The following MGAT5 variants were observed in gnomAD, a reference collection of about 807,000 sequenced individuals.
MGAT5 encodes the protein alpha-1,6-mannosylglycoprotein 6-beta-N-acetylglucosaminyltransferase, also known as alpha-1,6-mannosylglycoprotein 6-beta-N-acetylglucosaminyltransferase A.
Under a neutral mutation model 94.3 loss-of-function variants are expected in MGAT5, and 30 were observed. That is an observed-to-expected ratio of 0.32 (90% CI 0.24 to 0.43). The LOEUF (loss-of-function observed/expected upper bound fraction) is 0.43, where lower values mean the gene tolerates loss of function less well. Among genes scored for constraint, MGAT5 ranks in the 20% least tolerant of loss-of-function variants. The probability of loss-of-function intolerance (pLI) is 1.00; values close to 1 mark genes in which losing one functional copy is unlikely to be tolerated. For missense variants in MGAT5, 691 were observed against 905.5 expected, an observed-to-expected ratio of 0.76 and a Z score of 3.04; for synonymous variants, 310 against 322.9, an observed-to-expected ratio of 0.96 and a Z score of 0.43.
chr2:134,315,964 GT>G (rs1281332523), intron 2 of MGAT5, among the ~76,000 whole-genome samples: 1 of 152,098 alleles, frequency 6.6e-6, no homozygotes, highest in East Asian at 1.9e-4. Flanking sequence ...ACTAACTTCT[GT>G]CTCAGTCCCA....
At chr2:134,301,651 G>A (rs1419347728) in intron 2 of MGAT5, among the ~76,000 whole-genome samples, 2 of 152,196 alleles carry the variant, frequency 1.3e-5, no homozygotes, top group African/African-American at 2.4e-5. Flanking sequence ...CACAGCTCTG[G>A]AAGCTGGTTT....
intron 1 of MGAT5, among the ~76,000 whole-genome samples, chr2:134,150,012 T>C (rs1261857393): frequency 6.6e-6 from 1 of 152,176 alleles, no homozygotes; most frequent in African/African-American, 2.4e-5. Flanking sequence ...GGGTGCCTGA[T>C]TGGCTGAACC....
At chr2:134,281,594 C>T (rs1684698905) in intron 2 of MGAT5, among the ~76,000 whole-genome samples, 1 of 152,158 alleles carries the variant, frequency 6.6e-6, no homozygotes, top group South Asian at 2.1e-4. Context: ...TGTACAGGAA[C>T]TGGCACAGAA....
At chr2:134,344,018 GT>G (rs1221253948) in intron 7 of MGAT5, among the ~76,000 whole-genome samples, 1 of 152,174 alleles carries the variant, frequency 6.6e-6, no homozygotes, top group African/African-American at 2.4e-5. Flanking sequence ...TGATGTGGTG[GT>G]AGTACAGAGC....
intron 1 of MGAT5, among the ~76,000 whole-genome samples, chr2:134,131,683 C>T (rs1366585707): frequency 1.4e-5 from 2 of 147,438 alleles, no homozygotes; most frequent in Non-Finnish European, 3.0e-5. Context: ...TGCAGGTTCT[C>T]TTCCTCCTTC....
At chr2:134,293,714 C>T (rs1171503492) in intron 2 of MGAT5, among the ~76,000 whole-genome samples, 1 of 152,180 alleles carries the variant, frequency 6.6e-6, no homozygotes. Context: ...AAGCGATCTA[C>T]CTGTCTCGGC....
chr2:134,179,155 A>T (rs1028268933), intron 1 of MGAT5, among the ~76,000 whole-genome samples: 1 of 152,106 alleles, frequency 6.6e-6, no homozygotes, highest in African/African-American at 2.4e-5. Flanking sequence ...CCTGGTTAGT[A>T]CCGTGTTTAT....
chr2:134,308,680 G>A (rs553979398), intron 2 of MGAT5, among the ~76,000 whole-genome samples: 4 of 152,258 alleles, frequency 2.6e-5, no homozygotes, highest in African/African-American at 7.2e-5. Flanking sequence ...TCTGGTTTTT[G>A]TAACAGCTTT....
chr2:134,363,406 G>C (rs751819276), intron 10 of MGAT5, among the ~76,000 whole-genome samples: 3 of 152,234 alleles, frequency 2.0e-5, no homozygotes, highest in Non-Finnish European at 4.4e-5. Context: ...AAGGGATGAT[G>C]AGATCAGCCC....
In MGAT5 at chr2:134,172,632, C is replaced by T. The variant is rs367587739; in HGVS notation, c.-143+52341C>T. On this transcript the variant is annotated intron_variant, in intron 1 of 16. Coordinates refer to the MGAT5 transcript ENST00000409645. ...CGATCTCCTGACCTCGTGATTCTCC[C>T]GCCTCGACCTCCCAAAGTGCTGGGA... is the stretch of plus-strand genomic sequence containing the variant. 5.9e-4 allele frequency among the ~76,000 whole-genome samples: 90 copies of T among 152,276 alleles called. 3 individuals carry two copies. In the South Asian group the frequency reaches 0.017, roughly 29 times the overall value.
intron 1 of MGAT5, among the ~76,000 whole-genome samples, chr2:134,188,010 C>A (rs925525537): frequency 2.0e-5 from 3 of 152,206 alleles, no homozygotes; most frequent in Non-Finnish European, 4.4e-5. Flanking sequence ...TCATTTATTG[C>A]AGTGAAATTT....
chr2:134,319,742 C>T, intron 4 of MGAT5: 1 of 425,822 alleles, frequency 2.3e-6, no homozygotes, highest in Non-Finnish European at 4.7e-6. Context: ...GAAGCTCCTG[C>T]TCTCTGTGTA....
intron 1 of MGAT5, among the ~76,000 whole-genome samples, chr2:134,228,145 G>T (rs1314397671): frequency 6.6e-6 from 1 of 152,184 alleles, no homozygotes; most frequent in Non-Finnish European, 1.5e-5. Flanking sequence ...GCATTTGTGT[G>T]AGACCAGTCA....
chr2:134,308,431 T>C (rs1686459054), intron 2 of MGAT5, among the ~76,000 whole-genome samples: 1 of 152,184 alleles, frequency 6.6e-6, no homozygotes, highest in Non-Finnish European at 1.5e-5. Context: ...GGCTCCACAT[T>C]CTTCCCATTT....
intron 11 of MGAT5, 63 bp from the exon 12 acceptor site, chr2:134,412,806 G>T (rs1307261575): frequency 6.3e-7 from 1 of 1,586,392 alleles, no homozygotes; most frequent in Non-Finnish European, 8.6e-7. Context: ...AGCTAGGAAT[G>T]CCCGTCCTGC....
At chr2:134,381,491 A>T (rs7571287) in intron 10 of MGAT5, among the ~76,000 whole-genome samples, 26,978 of 149,994 alleles carry the variant, frequency 0.18, 2,576 homozygotes, top group Middle Eastern at 0.27. Flanking sequence ...AGAAATAGAC[A>T]GACCAGACAG....
At chr2:134,240,357 GTTTT>G (rs11316083) in intron 1 of MGAT5, among the ~76,000 whole-genome samples, 2 of 146,750 alleles carry the variant, frequency 1.4e-5, no homozygotes, top group African/African-American at 5.0e-5. Context: ...AAATGAAAGT[GTTTT>G]TTTTTTTTTT....
Position 134,345,008 on chromosome 2 carries a change from T to C in MGAT5, c.1056T>C (p.Asp352=), listed in dbSNP as rs1169175335. The C allele has an allele frequency of 6.2e-7, 1 of 1,613,570 alleles. No individual in the cohort carries two copies. Among genetic ancestry groups the C allele is most frequent in the African/African-American group, 1.3e-5 (1 of 74,908 alleles). The change falls in exon 8 of 16, where the codon GAT becomes GAC. Residue 352 remains aspartate (D), a synonymous_variant. Coordinates refer to ENST00000281923, the MANE Select transcript of MGAT5 (RefSeq NM_002410.5). ...GAATTGTTGAGCTCATTTACATTGA[T>C]ATTGTAGGACTTGCTCAATTCAAGA... is the stretch of plus-strand genomic sequence containing the variant. ...GDRIVELIYI[D]IVGLAQFKKT...
chr2:134,137,943 A>T (rs1686491220), intron 1 of MGAT5, among the ~76,000 whole-genome samples: 1 of 147,668 alleles, frequency 6.8e-6, no homozygotes. Flanking sequence ...TGAGTCACTG[A>T]TTGATATTAC....
Sources: allele counts gnomAD v4.1 joint callset (sites outside exome capture counted in the v4.1 genomes callset), GRCh38; gene constraint gnomAD v4.1.1; transcripts MANE v1.5; gene names NCBI Gene and HGNC (gene_info 2026-07-23, HGNC 2026-07-21).